SMARCA2: variants seen among roughly 807,000 people sequenced by gnomAD.
SMARCA2 encodes SWI/SNF-related matrix-associated actin-dependent regulator of chromatin subfamily A member 2.
In SMARCA2, 61 loss-of-function variants were observed where a neutral mutation model predicts 199.8. The observed-to-expected ratio is 0.31, with a 90% CI of 0.25 to 0.38. SMARCA2 has a LOEUF of 0.38. Among genes scored for constraint, SMARCA2 ranks in the 10% least tolerant of loss-of-function variants. SMARCA2 has a pLI of 1.00. For missense variants in SMARCA2, 1,344 were observed against 2,012.2 expected, an observed-to-expected ratio of 0.67 and a Z score of 6.35; for synonymous variants, 935 against 732.0, an observed-to-expected ratio of 1.28 and a Z score of -4.48.
At chr9:2,176,914 C>T (rs1300478097) in intron 29 of SMARCA2, among the ~76,000 whole-genome samples, 1 of 152,088 alleles carries the variant, frequency 6.6e-6, no homozygotes, top group Non-Finnish European at 1.5e-5. Context: ...TACTCCCATC[C>T]CACCCTGTTT....
chr9:2,089,444 T>C (rs755713717), intron 19 of SMARCA2, among the ~76,000 whole-genome samples: 1 of 152,182 alleles, frequency 6.6e-6, no homozygotes, highest in Non-Finnish European at 1.5e-5. Context: ...TTTTGCATGA[T>C]TGTGGTTTTT....
intron 1 of SMARCA2, among the ~76,000 whole-genome samples, chr9:2,028,706 G>A (rs1403124774): frequency 6.6e-6 from 1 of 152,170 alleles, no homozygotes; most frequent in East Asian, 1.9e-4. Flanking sequence ...TTCTGCTTAT[G>A]TGTTAAATTT....
chr9:2,064,413 C>T (rs1438096393), intron 9 of SMARCA2, among the ~76,000 whole-genome samples: 1 of 152,166 alleles, frequency 6.6e-6, no homozygotes, highest in African/African-American at 2.4e-5. Flanking sequence ...TTATCTAAAG[C>T]ATGTAGAATA....
At chr9:2,175,252 CTGAG>C (rs569894536) in intron 29 of SMARCA2, among the ~76,000 whole-genome samples, 102 of 152,222 alleles carry the variant, frequency 6.7e-4, no homozygotes, top group African/African-American at 2.4e-3. Context: ...TTTCCGAAAG[CTGAG>C]TGATAGCTGA....
chr9:2,086,880 C>T lies in SMARCA2; in HGVS notation c.2578C>T (p.His860Tyr). 1 of 1,614,136 alleles carries T rather than the reference C, an allele frequency of 6.2e-7. No homozygotes were observed. Among genetic ancestry groups the T allele is most frequent in the Non-Finnish European group, 8.5e-7 (1 of 1,179,994 alleles). ...CGAAGGCCACCGAATGAAGAATCAC[C>T]ACTGCAAGCTGACTCAGGTCTTGAA... ...VDEGHRMKNH[H>Y]CKLTQVLNTH... is the part of the protein sequence containing the mutation. Residue 860 changes from histidine to tyrosine, a missense_variant, in exon 18 of 34, where the codon CAC (histidine) becomes TAC (tyrosine). By Grantham distance (83) the His-to-Tyr change is moderately conservative (BLOSUM62 2). Coordinates refer to ENST00000349721, the MANE Select transcript of SMARCA2 (RefSeq NM_003070.5). This position sits in a 1 kb window ranked among gnomAD's most constrained non-coding sequence, Gnocchi z 4.3.
chr9:2,144,038 G>T (rs555539885), intron 27 of SMARCA2, among the ~76,000 whole-genome samples: 1 of 151,862 alleles, frequency 6.6e-6, no homozygotes, highest in Admixed American at 6.6e-5. Context: ...ATACAGAATC[G>T]TACATACCCT....
chr9:2,158,832 G>A (rs1825513596), intron 27 of SMARCA2: 1 of 999,844 alleles, frequency 1.0e-6, no homozygotes, highest in Non-Finnish European at 1.4e-6. Context: ...AGTGTTTAGT[G>A]AATTGATTTC....
chr9:2,076,749 C>G (rs1005182512), intron 13 of SMARCA2, among the ~76,000 whole-genome samples: 3 of 152,046 alleles, frequency 2.0e-5, no homozygotes, highest in Non-Finnish European at 4.4e-5. Flanking sequence ...GTGAGAGACA[C>G]CATTCCTGTC....
Position 2,123,009 on chromosome 9 carries a change from C to G in SMARCA2, c.3763-710C>G, listed in dbSNP as rs1430545390. On this transcript the variant is annotated intron_variant, in intron 26 of 33. Coordinates refer to ENST00000349721, the MANE Select transcript of SMARCA2 (RefSeq NM_003070.5). The surrounding 1 kb of genome is among the most constrained non-coding windows in gnomAD (Gnocchi z 4.1). ...CTCTGAAAGGAATCCATTTCACTTA[C>G]AACTAGATCAGTTGGGATGCGATTA... Among the ~76,000 whole-genome samples, 1 of 152,148 alleles carries G rather than the reference C, an allele frequency of 6.6e-6. No homozygotes were observed. Among genetic ancestry groups the G allele is most frequent in the African/African-American group, 2.4e-5 (1 of 41,426 alleles).
At chr9:2,061,851 CTG>C (rs1820607231) in intron 9 of SMARCA2, among the ~76,000 whole-genome samples, 1 of 152,192 alleles carries the variant, frequency 6.6e-6, no homozygotes, top group African/African-American at 2.4e-5. Context: ...ATCCTCATAC[CTG>C]TCTCATAATT....
chr9:2,123,597 TGA>T lies in SMARCA2; in HGVS notation c.3763-116_3763-115del, dbSNP rs1232580044. The T allele has an allele frequency of 1.2e-5, 10 of 812,056 alleles. No homozygotes were observed. Among genetic ancestry groups the T allele is most frequent in the Middle Eastern group, 5.4e-4 (2 of 3,700 alleles). 50.3% of individuals were successfully genotyped at this position (812,056 alleles called of 1,614,324 possible). ...ATGAGCTAGAACAAGCCAACCAGGATGAGAGAGGTTGAAAGGGACCCTGCAGC... is the reference window on the plus strand; with the variant it reads ...ATGAGCTAGAACAAGCCAACCAGGATGAGAGGTTGAAAGGGACCCTGCAGC... On this transcript the variant is annotated intron_variant, in intron 26 of 33. Transcript: ENST00000349721. This position sits in a 1 kb window ranked among gnomAD's most constrained non-coding sequence, Gnocchi z 4.1.
At chr9:2,181,349 T>C (rs1031216214) in intron 29 of SMARCA2, 6 of 419,818 alleles carry the variant, frequency 1.4e-5, no homozygotes, top group African/African-American at 1.0e-4. Context: ...ATTGTATGTG[T>C]GACAGAAGTG....
chr9:2,192,252 A>T (rs892483574), intron 33 of SMARCA2: 32 of 163,090 alleles, frequency 2.0e-4, no homozygotes, highest in Non-Finnish European at 3.3e-4. Context: ...CCCTTTTCCT[A>T]GTTTGATTTT....
intron 29 of SMARCA2, among the ~76,000 whole-genome samples, chr9:2,175,314 C>G (rs149449935): frequency 5.7e-4 from 86 of 149,894 alleles, no homozygotes; most frequent in African/African-American, 2.0e-3. Context: ...CCCGCCCCCC[C>G]CCAACAATAC....
chr9:2,059,019 A>G (rs1360640485), intron 8 of SMARCA2, among the ~76,000 whole-genome samples: 2 of 152,198 alleles, frequency 1.3e-5, no homozygotes, highest in Admixed American at 6.5e-5. Flanking sequence ...GTCAAAGGCT[A>G]TTCATGGATT....
Position 2,054,659 on chromosome 9 carries a change from C to G in SMARCA2, c.1109C>G (p.Pro370Arg), listed in dbSNP as rs1375323761. Residue 370 changes from proline (P) to arginine (R), a missense_variant, in exon 6 of 34, where the codon CCA becomes CGA. Physicochemically the swap from Pro to Arg is moderately radical, Grantham distance 103. Around this residue, in one of 18 missense-constraint regions of SMARCA2, gnomAD observed 155 missense variants for 260.0 expected, o/e 0.60. Coordinates refer to ENST00000349721, the MANE Select transcript of SMARCA2 (RefSeq NM_003070.5). ...ELENLPGSLP[P>R]DLRTKATVEL... ...GAAAATCTGCCTGGCTCTTTGCCACCAGATTTAAGAACCAAAGCAACCGTG... is the reference window on the plus strand; with the variant it reads ...GAAAATCTGCCTGGCTCTTTGCCACGAGATTTAAGAACCAAAGCAACCGTG... 1 of 1,614,080 alleles carries G rather than the reference C, an allele frequency of 6.2e-7. No individual in the cohort carries two copies. Among genetic ancestry groups the G allele is most frequent in the Non-Finnish European group, 8.5e-7 (1 of 1,179,952 alleles).
At chr9:2,063,724 G>A (rs74457123) in intron 9 of SMARCA2, among the ~76,000 whole-genome samples, 5,561 of 122,856 alleles carry the variant, frequency 0.045, 352 homozygotes, top group African/African-American at 0.16. Flanking sequence ...TATTTTCAGC[G>A]TTAAACTAGT....
rs1820380398 is a variant in SMARCA2 at position 2,056,948 on chromosome 9, T to C, written c.1347+103T>C. On this transcript the variant is annotated intron_variant, in intron 7 of 33. Coordinates refer to ENST00000349721, the MANE Select transcript of SMARCA2 (RefSeq NM_003070.5). The surrounding 1 kb of genome is among the most constrained non-coding windows in gnomAD (Gnocchi z 4.0). ...CTGAAAAATGGACCCTTGTGGGTGG[T>C]GGGGACATCACAGAACAGAACGGTT... 1 of 999,436 alleles carries C rather than the reference T, an allele frequency of 1.0e-6. No homozygotes were observed. The highest frequency in any genetic ancestry group is 1.5e-6 in the Non-Finnish European group (1 of 675,712). The allele number at this position is 999,436 out of a possible 1,614,324, so 61.9% of individuals were successfully genotyped here. A position where few individuals can be genotyped will look rare whatever the true frequency, so the allele number is the denominator to read the frequency against.
chr9:2,164,162 C>G (rs1478192659), intron 28 of SMARCA2, among the ~76,000 whole-genome samples: 1 of 152,184 alleles, frequency 6.6e-6, no homozygotes, highest in African/African-American at 2.4e-5. Flanking sequence ...TTACGCCCGA[C>G]TCACTTCATT....
Sources: gnomAD v4.1 joint callset for allele counts (sites outside exome capture counted in the v4.1 genomes callset) on GRCh38, gnomAD v4.1.1 for gene constraint, gnomAD v4.1.1 regional missense constraint, Gnocchi (gnomAD v3.1) non-coding constraint, MANE v1.5 for transcripts, NCBI Gene and HGNC (gene_info 2026-07-23, HGNC 2026-07-21) for gene names.